The following NPR3 variants were observed in gnomAD, a reference collection of about 807,000 sequenced individuals.
NPR3 encodes atrial natriuretic peptide receptor 3.
In NPR3, 34 loss-of-function variants were observed where a neutral mutation model predicts 54.5. The ratio of observed to expected loss-of-function variants is 0.62; its 90% CI spans 0.47 to 0.83. The LOEUF (loss-of-function observed/expected upper bound fraction) is 0.83. Ranked by LOEUF, NPR3 falls within the 40% of genes least tolerant of loss-of-function variation. NPR3 has a pLI of 0.00. For synonymous variants in NPR3, 289 were observed against 297.1 expected (o/e 0.97, Z 0.28); for missense variants, 674 against 720.8 (o/e 0.94, Z 0.74).
At chr5:32,699,771 C>A (rs114262856) in intron 1 of NPR3, among the ~76,000 whole-genome samples, 1 of 152,196 alleles carries the variant, frequency 6.6e-6, no homozygotes, top group Non-Finnish European at 1.5e-5. Context: ...TGTGTACCTA[C>A]TGTTACACAG....
At chr5:32,784,724 A>G in intron 6 of NPR3, 72 bp from the exon 7 acceptor site, 1 of 1,201,794 alleles carries the variant, frequency 8.3e-7, no homozygotes, top group South Asian at 1.3e-5. Flanking sequence ...AACTTCTTGC[A>G]ATGAATGAAA....
chr5:32,711,224 C>T (rs2111836256), upstream of NPR3: 1 of 309,652 alleles, frequency 3.2e-6, no homozygotes, highest in Admixed American at 6.6e-5. Flanking sequence ...ACCCACCCCA[C>T]CCGCTGGAAA....
chr5:32,779,902 C>A (rs939313191), intron 4 of NPR3, among the ~76,000 whole-genome samples: 2 of 152,172 alleles, frequency 1.3e-5, no homozygotes, highest in Admixed American at 1.3e-4. Context: ...TTCTCCAAAG[C>A]CTCTTGGTAG....
At chr5:32,744,765 G>A (rs1221744120) in intron 3 of NPR3, among the ~76,000 whole-genome samples, 1 of 152,104 alleles carries the variant, frequency 6.6e-6, no homozygotes, top group Non-Finnish European at 1.5e-5. Flanking sequence ...TGACACCCCA[G>A]ACTATGTCAT....
At chr5:32,717,468 C>T (rs1427985122) in intron 1 of NPR3, among the ~76,000 whole-genome samples, 3 of 152,210 alleles carry the variant, frequency 2.0e-5, no homozygotes, top group South Asian at 2.1e-4. Flanking sequence ...TACACTCCCA[C>T]CAACAGTGTA....
At chr5:32,710,601 G>C (rs1458310470), upstream of NPR3, 1 of 1,400,720 alleles carries the variant, frequency 7.1e-7, no homozygotes, top group Non-Finnish European at 9.3e-7. Flanking sequence ...GGGGGCTGGC[G>C]CGGGGCTGAG....
At chr5:32,744,337 C>T (rs1411001565) in intron 3 of NPR3, among the ~76,000 whole-genome samples, 1 of 152,172 alleles carries the variant, frequency 6.6e-6, no homozygotes, top group Admixed American at 6.5e-5. Context: ...GGAGGCAGTG[C>T]AGCCCAGTGG....
chr5:32,780,935 G>T, intron 5 of NPR3, 119 bp downstream of exon 5: 1 of 617,108 alleles, frequency 1.6e-6, no homozygotes. Context: ...AAAATGAGTT[G>T]AAAAACCTCA....
chr5:32,718,851 G>T (rs982021368), intron 1 of NPR3, among the ~76,000 whole-genome samples: 1 of 152,086 alleles, frequency 6.6e-6, no homozygotes, highest in Non-Finnish European at 1.5e-5. Context: ...TCTTTCTCCT[G>T]CCTGATTGCC....
intron 2 of NPR3, among the ~76,000 whole-genome samples, chr5:32,736,595 T>C (rs947813895): frequency 2.0e-5 from 3 of 152,216 alleles, no homozygotes; most frequent in East Asian, 3.8e-4. Flanking sequence ...GGCTCCTCCA[T>C]TGGACAAAGA....
At chr5:32,698,846 A>C (rs1257388169) in intron 1 of NPR3, among the ~76,000 whole-genome samples, 1 of 151,974 alleles carries the variant, frequency 6.6e-6, no homozygotes, top group African/African-American at 2.4e-5. Flanking sequence ...CTTTATTTTC[A>C]GTCTATGTGT....
At position 32,712,082 on chromosome 5, in the gene NPR3, T is replaced by A; in HGVS notation, c.306T>A (p.Ala102=). The A allele has an allele frequency of 1.2e-6, 2 of 1,613,832 alleles. No homozygotes were observed. The highest frequency in any genetic ancestry group is 1.7e-6 in the Non-Finnish European group (2 of 1,179,812). ...CGCCGGGCACTCGCTTCCAGGTGGC[T>A]TACGAGGATTCAGACTGTGGGAACC... ...LLPPGTRFQV[A]YEDSDCGNRA... is the part of the protein sequence containing the mutation. The change falls in exon 1 of 8, where the codon GCT becomes GCA. Residue 102 remains alanine (A), a synonymous_variant. Transcript: ENST00000265074.
intron 1 of NPR3, among the ~76,000 whole-genome samples, chr5:32,695,946 G>A (rs940558993): frequency 1.3e-5 from 2 of 152,052 alleles, no homozygotes; most frequent in African/African-American, 4.8e-5. Context: ...TGGATAGTTT[G>A]AAAATTTTTT....
intron 2 of NPR3, among the ~76,000 whole-genome samples, chr5:32,737,268 T>A (rs1294972207): frequency 6.6e-6 from 1 of 152,236 alleles, no homozygotes; most frequent in Non-Finnish European, 1.5e-5. Context: ...GTCCTACCTG[T>A]GATAACTTCA....
chr5:32,727,317 A>C (rs2111901374), intron 2 of NPR3, among the ~76,000 whole-genome samples: 1 of 152,216 alleles, frequency 6.6e-6, no homozygotes, highest in South Asian at 2.1e-4. Context: ...CTTTAGAGAC[A>C]GGGTTTCATC....
At chr5:32,730,221 A>G (rs1739383123) in intron 2 of NPR3, among the ~76,000 whole-genome samples, 1 of 152,240 alleles carries the variant, frequency 6.6e-6, no homozygotes, top group South Asian at 2.1e-4. Context: ...TCACATGATC[A>G]TATCAATAGA....
At chr5:32,714,485 G>A (rs1002589135) in intron 1 of NPR3, among the ~76,000 whole-genome samples, 2 of 150,594 alleles carry the variant, frequency 1.3e-5, no homozygotes, top group Non-Finnish European at 3.0e-5. Context: ...AAGCCTCATA[G>A]ACGTTCCGAA....
intron 3 of NPR3, among the ~76,000 whole-genome samples, chr5:32,759,639 C>T (rs957811569): frequency 6.6e-6 from 1 of 152,172 alleles, no homozygotes; most frequent in Admixed American, 6.5e-5. Flanking sequence ...GAATTTGATT[C>T]TGTCATTATT....
chr5:32,749,744 G>A (rs1043397167), intron 3 of NPR3, among the ~76,000 whole-genome samples: 3 of 152,104 alleles, frequency 2.0e-5, no homozygotes, highest in African/African-American at 7.2e-5. Context: ...TCAGTTTTAT[G>A]CTTCACCCAA....
Sources: allele counts gnomAD v4.1 joint callset (sites outside exome capture counted in the v4.1 genomes callset), GRCh38; gene constraint gnomAD v4.1.1; transcripts MANE v1.5; gene names NCBI Gene and HGNC (gene_info 2026-07-23, HGNC 2026-07-21).